Variants in C12orf42 observed in about 807,000 individuals in gnomAD.
The protein encoded by C12orf42 is uncharacterized protein C12orf42.
A neutral mutation model predicts 21.6 loss-of-function variants in C12orf42; 25 were observed. The ratio of observed to expected loss-of-function variants is 1.16; its 90% CI spans 0.84 to 1.62. The LOEUF (loss-of-function observed/expected upper bound fraction) is 1.62, where lower values mean the gene tolerates loss of function less well. C12orf42 is among the 40% of genes most tolerant of loss of function. The pLI, the probability that C12orf42 is intolerant of heterozygous loss-of-function variation, is 0.00. For missense variants in C12orf42, 483 were observed against 459.3 expected (o/e 1.05, Z -0.47); for synonymous variants, 174 against 175.0 (o/e 0.99, Z 0.05).
intron 4 of C12orf42, among the ~76,000 whole-genome samples, chr12:103,337,997 C>A (rs897981923): frequency 6.6e-6 from 1 of 152,284 alleles, no homozygotes; most frequent in Admixed American, 6.5e-5. Context: ...TTGAACTCTT[C>A]TTTTATCTTT....
intron 10 of C12orf42, among the ~76,000 whole-genome samples, chr12:103,243,781 T>A (rs972639622): frequency 3.3e-5 from 5 of 152,122 alleles, no homozygotes; most frequent in African/African-American, 1.2e-4. Flanking sequence ...AGGTCACTTG[T>A]GTTTTGTCAG....
At chr12:103,055,695 G>A in the C12orf42 span, among the ~76,000 whole-genome samples, 1 of 151,860 alleles carries the variant, frequency 6.6e-6, no homozygotes, top group Non-Finnish European at 1.5e-5. Flanking sequence ...TACCATTGAT[G>A]TCCTATTTAA....
the C12orf42 span, among the ~76,000 whole-genome samples, chr12:103,554,367 G>T: frequency 2.6e-5 from 4 of 152,064 alleles, no homozygotes; most frequent in African/African-American, 7.2e-5. Flanking sequence ...AAAAATAAAA[G>T]GTTTGTGCTA....
intron 3 of C12orf42, among the ~76,000 whole-genome samples, chr12:103,398,407 T>G (rs1427862513): frequency 2.0e-5 from 3 of 152,198 alleles, no homozygotes; most frequent in African/African-American, 7.2e-5. Flanking sequence ...CTATGTAAAT[T>G]ATAGATATAA....
chr12:103,356,096 G>A (rs1352646790), intron 4 of C12orf42, among the ~76,000 whole-genome samples: 1 of 151,998 alleles, frequency 6.6e-6, no homozygotes, highest in Non-Finnish European at 1.5e-5. Context: ...ACTCCTGACT[G>A]GGCGCTTCTA....
intron 4 of C12orf42, among the ~76,000 whole-genome samples, chr12:103,365,958 C>T (rs777968437): frequency 1.3e-4 from 20 of 151,316 alleles, no homozygotes; most frequent in Non-Finnish European, 2.4e-4. Flanking sequence ...TCATTCTTCA[C>T]GGAACTAGAA....
the C12orf42 span, among the ~76,000 whole-genome samples, chr12:103,154,280 T>G: frequency 6.6e-6 from 1 of 152,150 alleles, no homozygotes; most frequent in Non-Finnish European, 1.5e-5. Context: ...GTTTTGTTTG[T>G]GAAAATTCAT....
At chr12:103,061,587 T>C in the C12orf42 span, among the ~76,000 whole-genome samples, 1 of 152,046 alleles carries the variant, frequency 6.6e-6, no homozygotes, top group East Asian at 1.9e-4. Flanking sequence ...AGAATTGTTT[T>C]ATATAAGTGG....
chr12:103,193,660 C>A, the C12orf42 span, among the ~76,000 whole-genome samples: 2 of 152,010 alleles, frequency 1.3e-5, no homozygotes, highest in East Asian at 3.9e-4. Flanking sequence ...AATAGAAAGA[C>A]TGAATAGGCC....
At chr12:103,297,461 A>G (rs533817531), downstream of C12orf42, among the ~76,000 whole-genome samples, 15 of 152,388 alleles carry the variant, frequency 9.8e-5, no homozygotes, top group East Asian at 9.6e-4. Context: ...GCAATAATTA[A>G]TAGCCTACCA....
intron 4 of C12orf42, among the ~76,000 whole-genome samples, chr12:103,349,986 A>C (rs1056673882): frequency 6.6e-6 from 1 of 152,196 alleles, no homozygotes; most frequent in Non-Finnish European, 1.5e-5. Flanking sequence ...TAAAAATACA[A>C]ATTGAAGAAT....
At chr12:103,135,344 G>T in the C12orf42 span, among the ~76,000 whole-genome samples, 1 of 152,074 alleles carries the variant, frequency 6.6e-6, no homozygotes, top group Non-Finnish European at 1.5e-5. Flanking sequence ...TGTAGTCCCA[G>T]CTACTCAGGA....
intron 2 of C12orf42, among the ~76,000 whole-genome samples, chr12:103,408,023 C>T (rs2048553305): frequency 6.6e-6 from 1 of 152,172 alleles, no homozygotes; most frequent in South Asian, 2.1e-4. Flanking sequence ...GCACCCCCCT[C>T]TTTGCAGATA....
the C12orf42 span, among the ~76,000 whole-genome samples, chr12:103,135,509 T>C: frequency 6.6e-6 from 1 of 151,552 alleles, no homozygotes; most frequent in South Asian, 2.1e-4. Flanking sequence ...AATGTTACCA[T>C]CATAGATGTT....
intron 4 of C12orf42, among the ~76,000 whole-genome samples, chr12:103,296,775 T>G (rs2037317713): frequency 6.6e-6 from 1 of 152,218 alleles, no homozygotes; most frequent in African/African-American, 2.4e-5. Flanking sequence ...GTCAGATAAG[T>G]AGATTGCAAA....
intron 2 of C12orf42, among the ~76,000 whole-genome samples, chr12:103,435,513 G>T (rs1055453311): frequency 1.2e-4 from 18 of 152,132 alleles, no homozygotes; most frequent in Non-Finnish European, 2.5e-4. Context: ...AAAAAATTTA[G>T]AATAATGTAT....
At chr12:103,256,052 C>CAA (rs1161719991) in intron 10 of C12orf42, among the ~76,000 whole-genome samples, 5 of 17,534 alleles carry the variant, frequency 2.9e-4, no homozygotes, top group Non-Finnish European at 4.3e-4. Context: ...GACTCTGTCT[C>CAA]AAAAAAAAAA....
chr12:103,373,948 T>A (rs1190483616), intron 3 of C12orf42, among the ~76,000 whole-genome samples: 2 of 152,208 alleles, frequency 1.3e-5, no homozygotes, highest in Admixed American at 6.5e-5. Context: ...TATGGTATCA[T>A]CATGCCCTGT....
the C12orf42 span, among the ~76,000 whole-genome samples, chr12:103,103,538 A>C: frequency 6.6e-6 from 1 of 152,214 alleles, no homozygotes; most frequent in Non-Finnish European, 1.5e-5. Context: ...CTTGAAATGT[A>C]CCACTATCTG....
Sources: allele counts gnomAD v4.1 joint callset (sites outside exome capture counted in the v4.1 genomes callset), GRCh38; gene constraint gnomAD v4.1.1; transcripts MANE v1.5; gene names NCBI Gene and HGNC (gene_info 2026-07-23, HGNC 2026-07-21).